TSGA10: variants seen among roughly 807,000 people sequenced by gnomAD.
TSGA10 encodes the protein testis specific 10, also known as testis-specific gene 10 protein.
Under a neutral mutation model 96.6 loss-of-function variants are expected in TSGA10, and 43 were observed. The ratio of observed to expected loss-of-function variants is 0.44; its 90% CI spans 0.35 to 0.57. TSGA10 has a LOEUF of 0.57. TSGA10 is among the 20% of genes least tolerant of loss of function. The pLI is 0.01. For missense variants in TSGA10, 703 were observed against 834.4 expected (o/e 0.84, Z 1.94); for synonymous variants, 229 against 269.9 (o/e 0.85, Z 1.48).
chr2:99,014,353 T>TATC (rs977660544), intron 20 of TSGA10, among the ~76,000 whole-genome samples: 41 of 151,842 alleles, frequency 2.7e-4, no homozygotes, highest in Admixed American at 5.9e-4. Flanking sequence ...TAATAATAAT[T>TATC]ATCATCATCA....
chr2:99,129,103 A>C (rs752962508), intron 1 of TSGA10, among the ~76,000 whole-genome samples: 14 of 152,174 alleles, frequency 9.2e-5, no homozygotes, highest in Non-Finnish European at 1.5e-4. Context: ...CCTTGCCCTC[A>C]CTATTTTCTC....
chr2:99,103,860 C>T (rs2091044531), intron 10 of TSGA10, 107 bp downstream of exon 10: 3 of 1,327,064 alleles, frequency 2.3e-6, no homozygotes, highest in African/African-American at 1.5e-5. Context: ...TTCAATAATC[C>T]TCTCAGAAAC....
chr2:98,999,175 C>A (rs542131795), intron 20 of TSGA10, among the ~76,000 whole-genome samples: 1 of 152,088 alleles, frequency 6.6e-6, no homozygotes, highest in Admixed American at 6.6e-5. Context: ...GGATTATAGT[C>A]AGGAGCCACT....
intron 1 of TSGA10, among the ~76,000 whole-genome samples, chr2:99,142,963 A>G (rs1007511296): frequency 1.3e-5 from 2 of 152,010 alleles, no homozygotes; most frequent in Non-Finnish European, 2.9e-5. Context: ...GATTATTTGG[A>G]AAGAATATAA....
rs149213671 is a variant in TSGA10 at position 99,031,502 on chromosome 2, C to T, written c.1614+3728G>A. ...TCCATAAAAGGAAAATTTATAAATG[C>T]GACTTCATCAAAATTGAAAACTTTT... On this transcript the variant is annotated intron_variant, in intron 17 of 20. Transcript: ENST00000393483. Among the ~76,000 whole-genome samples the T allele has an allele frequency of 3.3e-3, 507 of 152,024 alleles. 5 individuals carry two copies. The highest frequency in any genetic ancestry group is 0.011 in the African/African-American group (472 of 41,494).
intron 20 of TSGA10, among the ~76,000 whole-genome samples, chr2:99,001,861 C>T (rs949329937): frequency 4.6e-5 from 7 of 151,970 alleles, no homozygotes; most frequent in East Asian, 1.9e-4. Flanking sequence ...GTAGCCAATT[C>T]AATCAAGTGG....
At chr2:99,141,020 C>A in intron 1 of TSGA10, 1 of 1,178,744 alleles carries the variant, frequency 8.5e-7, no homozygotes, top group Non-Finnish European at 1.1e-6. Flanking sequence ...CAGCCGCCTT[C>A]TCAGAGACCT....
At chr2:99,089,698 G>C (rs1364041802) in intron 10 of TSGA10, among the ~76,000 whole-genome samples, 1 of 152,098 alleles carries the variant, frequency 6.6e-6, no homozygotes, top group Non-Finnish European at 1.5e-5. Context: ...CCTCCTGGGA[G>C]CATAACTCCC....
At chr2:99,003,285 C>T (rs1416803261) in intron 20 of TSGA10, among the ~76,000 whole-genome samples, 1 of 152,148 alleles carries the variant, frequency 6.6e-6, no homozygotes, top group Admixed American at 6.5e-5. Context: ...TACAGGAGCA[C>T]CCAGATTCAT....
intron 20 of TSGA10, among the ~76,000 whole-genome samples, chr2:99,009,445 G>A (rs1191017601): frequency 6.6e-6 from 1 of 151,850 alleles, no homozygotes; most frequent in Admixed American, 6.6e-5. Context: ...TGTGGCAGGT[G>A]CCTGTAGTCC....
At chr2:99,032,799 T>C (rs184774937) in intron 17 of TSGA10, among the ~76,000 whole-genome samples, 8 of 152,294 alleles carry the variant, frequency 5.3e-5, no homozygotes, top group Admixed American at 4.6e-4. Flanking sequence ...AATAACTAGA[T>C]GAATTGATGA....
chr2:99,092,387 G>C lies in TSGA10; in HGVS notation c.612-10990C>G, dbSNP rs191990875. Among the ~76,000 whole-genome samples the C allele has an allele frequency of 3.8e-4, 58 of 151,826 alleles. 1 individual carries two copies. In the East Asian group the frequency reaches 0.01, roughly 27 times the overall value. On this transcript the variant is annotated intron_variant, in intron 10 of 20. Coordinates refer to ENST00000393483, the MANE Select transcript of TSGA10 (RefSeq NM_025244.4). ...ACACCTCAAGAAACTAGAGAAACAAGAACAAACCAAACCCAAACTCAGCAG... is the reference window on the plus strand; with the variant it reads ...ACACCTCAAGAAACTAGAGAAACAACAACAAACCAAACCCAAACTCAGCAG...
chr2:99,127,916 A>G (rs1483741696), intron 1 of TSGA10, among the ~76,000 whole-genome samples: 1 of 152,272 alleles, frequency 6.6e-6, no homozygotes, highest in Non-Finnish European at 1.5e-5. Flanking sequence ...ATATATGTAC[A>G]CTTATGCAAA....
chr2:99,081,105 C>G (rs938014231), intron 11 of TSGA10, among the ~76,000 whole-genome samples, 177 bp downstream of exon 11: 2 of 152,088 alleles, frequency 1.3e-5, no homozygotes, highest in African/African-American at 4.8e-5. Flanking sequence ...ACTTATGGTG[C>G]TAAATCTAAA....
At chr2:99,082,999 G>A (rs1031097503) in intron 10 of TSGA10, among the ~76,000 whole-genome samples, 3 of 151,360 alleles carry the variant, frequency 2.0e-5, no homozygotes, top group Non-Finnish European at 4.4e-5. Flanking sequence ...GGTAAACTGG[G>A]GAAAAAAACA....
intron 20 of TSGA10, among the ~76,000 whole-genome samples, chr2:99,003,320 A>T (rs751713745): frequency 3.3e-5 from 5 of 152,178 alleles, no homozygotes; most frequent in Non-Finnish European, 7.3e-5. Flanking sequence ...GAGATGTACA[A>T]AGAGACTTAG....
intron 20 of TSGA10, among the ~76,000 whole-genome samples, chr2:99,009,112 A>G (rs552343048): frequency 2.6e-5 from 4 of 152,300 alleles, no homozygotes; most frequent in African/African-American, 9.6e-5. Flanking sequence ...ATATTCAAAA[A>G]TAAAATTAAG....
intron 20 of TSGA10, among the ~76,000 whole-genome samples, chr2:99,009,243 A>AT (rs1209037955): frequency 6.6e-6 from 1 of 152,188 alleles, no homozygotes; most frequent in Non-Finnish European, 1.5e-5. Flanking sequence ...ATTAATCCAA[A>AT]TAAGTTACAA....
intron 20 of TSGA10, among the ~76,000 whole-genome samples, chr2:99,011,136 C>A (rs966316231): frequency 6.6e-6 from 1 of 152,172 alleles, no homozygotes; most frequent in Non-Finnish European, 1.5e-5. Flanking sequence ...ACTTTCCTGT[C>A]ACCTCTACTA....
Sources: allele counts gnomAD v4.1 joint callset (sites outside exome capture counted in the v4.1 genomes callset), GRCh38; gene constraint gnomAD v4.1.1; transcripts MANE v1.5; gene names NCBI Gene and HGNC (gene_info 2026-07-23, HGNC 2026-07-21).